The following PIK3CA variants were observed in gnomAD, a reference collection of about 807,000 sequenced individuals.
The protein encoded by PIK3CA is phosphatidylinositol 4,5-bisphosphate 3-kinase catalytic subunit alpha isoform.
A neutral mutation model predicts 138.2 loss-of-function variants in PIK3CA; 27 were observed. The ratio of observed to expected loss-of-function variants is 0.20; its 90% CI spans 0.14 to 0.27. The LOEUF is 0.27. Among genes scored for constraint, PIK3CA ranks in the 10% least tolerant of loss-of-function variants. The pLI, the probability that PIK3CA is intolerant of heterozygous loss-of-function variation, is 1.00. For synonymous variants in PIK3CA, 358 were observed against 413.2 expected (o/e 0.87, Z 1.62); for missense variants, 544 against 1,277.4 (o/e 0.43, Z 8.75).
In PIK3CA at chr3:179,230,183, C is replaced by T. The variant is rs201617603; in HGVS notation, c.2785-42C>T. 1 of 1,559,420 alleles carries T rather than the reference C, an allele frequency of 6.4e-7. No individual in the cohort carries two copies. The highest frequency in any genetic ancestry group is 1.7e-5 in the Admixed American group (1 of 59,042). ...TTAATTTATTCAAGACATTTTGTATCTGCATATATCAAACTATAACATAAT... is the reference window on the plus strand; with the variant it reads ...TTAATTTATTCAAGACATTTTGTATTTGCATATATCAAACTATAACATAAT... On this transcript the variant is annotated intron_variant, in intron 19 of 20. Coordinates refer to ENST00000263967, the MANE Select transcript of PIK3CA (RefSeq NM_006218.4). This position sits in a 1 kb window ranked among gnomAD's most constrained non-coding sequence, Gnocchi z 5.4.
chr3:179,225,375 A>C (rs763707442), intron 16 of PIK3CA, among the ~76,000 whole-genome samples: 3 of 152,182 alleles, frequency 2.0e-5, no homozygotes, highest in Non-Finnish European at 4.4e-5. Context: ...GAAGGTACTT[A>C]TATGGAGGAA....
chr3:179,189,391 T>TA (rs1452518254), intron 1 of PIK3CA, among the ~76,000 whole-genome samples: 1 of 152,156 alleles, frequency 6.6e-6, no homozygotes, highest in East Asian at 1.9e-4. Flanking sequence ...CTTTATAAAA[T>TA]ACAAAATTTA....
chr3:179,173,899 T>A (rs1723628814), intron 1 of PIK3CA, among the ~76,000 whole-genome samples: 2 of 151,746 alleles, frequency 1.3e-5, no homozygotes, highest in Non-Finnish European at 2.9e-5. Flanking sequence ...GCTAATTTTT[T>A]GTATTTTTAG....
At chr3:179,193,249 G>C (rs1367713712) in intron 1 of PIK3CA, among the ~76,000 whole-genome samples, 1 of 152,220 alleles carries the variant, frequency 6.6e-6, no homozygotes, top group Non-Finnish European at 1.5e-5. Flanking sequence ...AAAAATCTCT[G>C]ATGATCGAGG....
At chr3:179,209,494 T>G (rs957612273) in intron 6 of PIK3CA, 101 bp from the exon 7 acceptor site, 10 of 617,932 alleles carry the variant, frequency 1.6e-5, no homozygotes, top group Non-Finnish European at 2.5e-5. Flanking sequence ...TTCCTGTTTT[T>G]CGTTTGGTTG....
chr3:179,159,055 C>G (rs982974193), intron 1 of PIK3CA, among the ~76,000 whole-genome samples: 1 of 151,990 alleles, frequency 6.6e-6, no homozygotes, highest in Non-Finnish European at 1.5e-5. Flanking sequence ...AATCTACACA[C>G]TTTAAAAAAC....
At position 179,237,622 on chromosome 3, in the gene PIK3CA, C is replaced by CT. The variant is rs1725356852; in HGVS notation, c.*3264dup. ...AGGTAAAACACAGTCCATCTGTATT[C>CT]TTTTTTCCATCAAAAATCGAGTGAT... On this transcript the variant is annotated 3_prime_UTR_variant, in exon 21 of 21. Coordinates refer to ENST00000263967, the MANE Select transcript of PIK3CA (RefSeq NM_006218.4). The CT allele has an allele frequency of 4.8e-6, 1 of 208,226 alleles. No homozygotes were observed. The highest frequency in any genetic ancestry group is 2.3e-5 in the African/African-American group (1 of 43,984). The allele number at this position is 208,226 out of a possible 1,614,324, so 12.9% of individuals were successfully genotyped here.
chr3:179,199,912 C>T lies in PIK3CA; in HGVS notation c.562+13C>T, dbSNP rs2108388010. 2 of 1,366,970 alleles carry T rather than the reference C, an allele frequency of 1.5e-6. No homozygotes were observed. The highest frequency in any genetic ancestry group is 2.1e-6 in the Non-Finnish European group (2 of 956,498). The allele number at this position is 1,366,970 out of a possible 1,614,324, so 84.7% of individuals were successfully genotyped here. ...AAATTAGATAAAGGTAAGAAAATGACTAATCTACTCTAATCATTACTATAG... is the reference window on the plus strand; with the variant it reads ...AAATTAGATAAAGGTAAGAAAATGATTAATCTACTCTAATCATTACTATAG... On this transcript the variant is annotated intron_variant, in intron 3 of 20. Coordinates refer to ENST00000263967, the MANE Select transcript of PIK3CA (RefSeq NM_006218.4).
In PIK3CA at chr3:179,230,468, A is replaced by C; in HGVS notation, c.2936+92A>C. The C allele has an allele frequency of 1.8e-6, 2 of 1,138,824 alleles. No homozygotes were observed. Among genetic ancestry groups the C allele is most frequent in the Non-Finnish European group, 2.5e-6 (2 of 803,084 alleles). 70.5% of individuals were successfully genotyped at this position (1,138,824 alleles called of 1,614,324 possible). ...TTTTCAAGCAATTTCAAAATAATAA[A>C]TGTTGGCTGGGTGTGGTGGTTCATG... On this transcript the variant is annotated intron_variant, in intron 20 of 20. Transcript: ENST00000263967. The surrounding 1 kb of genome is among the most constrained non-coding windows in gnomAD (Gnocchi z 5.4).
At chr3:179,160,823 A>C (rs1723259260) in intron 1 of PIK3CA, among the ~76,000 whole-genome samples, 1 of 152,200 alleles carries the variant, frequency 6.6e-6, no homozygotes, top group South Asian at 2.1e-4. Context: ...GATTCTGTAC[A>C]ATCATAGACT....
chr3:179,148,971 CGCGGGTGGAGGGGCTGCCGCGAGGACT>C (rs1181667929), intron 1 of PIK3CA, among the ~76,000 whole-genome samples: 1 of 152,174 alleles, frequency 6.6e-6, no homozygotes, highest in Non-Finnish European at 1.5e-5. Flanking sequence ...CCACCCAGCC[CGCGGGTGGAGGGGCTGCCGCGAGGACT>C]GCGGCTCAAG....
At chr3:179,161,284 C>A (rs998020560) in intron 1 of PIK3CA, among the ~76,000 whole-genome samples, 2 of 152,190 alleles carry the variant, frequency 1.3e-5, no homozygotes, top group African/African-American at 2.4e-5. Flanking sequence ...TGTCTCTAGG[C>A]AAAGGGGGTA....
At chr3:179,221,696 C>CTTTTTTTTTTTTT (rs200211358) in intron 14 of PIK3CA, among the ~76,000 whole-genome samples, 2 of 77,570 alleles carry the variant, frequency 2.6e-5, no homozygotes, top group Non-Finnish European at 4.8e-5. Context: ...ACAATGTAAA[C>CTTTTTTTTTTTTT]TTTTTTTTTT....
rs1482313267 is a variant in PIK3CA, at chr3:179,201,415, C to G, written c.688C>G (p.Arg230Gly). 6.2e-7 allele frequency: 1 copy of G among 1,613,712 alleles called. No individual in the cohort carries two copies. The highest frequency in any genetic ancestry group is 1.7e-5 in the Admixed American group (1 of 59,992). The part of the protein sequence containing the change: ...VIAEAIRKKT[R>G]SMLLSSEQLK... ...TGCTGAAGCAATCAGGAAAAAAACTCGAAGTATGTTGCTATCCTCTGAACA... is the reference window on the plus strand; with the variant it reads ...TGCTGAAGCAATCAGGAAAAAAACTGGAAGTATGTTGCTATCCTCTGAACA... The change falls in exon 4 of 21, where the codon CGA (arginine) becomes GGA (glycine). Residue 230 changes from arginine to glycine, a missense_variant. Physicochemically the swap from Arg to Gly is moderately radical, Grantham distance 125 (BLOSUM62 -2). Around this residue, in one of 14 missense-constraint regions of PIK3CA, gnomAD observed 234 missense variants for 401.3 expected, o/e 0.58. Transcript: ENST00000263967.
intron 1 of PIK3CA, among the ~76,000 whole-genome samples, chr3:179,158,657 C>G (rs1043988925): frequency 6.6e-6 from 1 of 151,936 alleles, no homozygotes; most frequent in Non-Finnish European, 1.5e-5. Flanking sequence ...ATATTAAACT[C>G]TTTTGCATAT....
chr3:179,158,642 A>G (rs1425537705), intron 1 of PIK3CA, among the ~76,000 whole-genome samples: 1 of 152,126 alleles, frequency 6.6e-6, no homozygotes, highest in East Asian at 1.9e-4. Context: ...TCTTTATTGA[A>G]TATAATATTA....
chr3:179,160,319 C>T (rs1258711128), intron 1 of PIK3CA, among the ~76,000 whole-genome samples: 2 of 143,442 alleles, frequency 1.4e-5, no homozygotes, highest in African/African-American at 5.6e-5. Flanking sequence ...TGAGCTTTTG[C>T]TTCAAAGTAG....
chr3:179,148,164 C>T (rs1162278884), upstream of PIK3CA: 3 of 129,150 alleles, frequency 2.3e-5, no homozygotes, highest in Admixed American at 7.4e-5. Flanking sequence ...CCTCTTCTGC[C>T]GGAGGAGGGG....
At chr3:179,217,284 A>G (rs1724858447) in intron 9 of PIK3CA, among the ~76,000 whole-genome samples, 1 of 152,072 alleles carries the variant, frequency 6.6e-6, no homozygotes, top group South Asian at 2.1e-4. Context: ...CATTATATCA[A>G]TTTTCCAATA....
Sources: allele counts gnomAD v4.1 joint callset (sites outside exome capture counted in the v4.1 genomes callset), GRCh38; gene constraint gnomAD v4.1.1; regional missense constraint gnomAD v4.1.1; non-coding constraint Gnocchi (gnomAD v3.1); transcripts MANE v1.5; gene names NCBI Gene and HGNC (gene_info 2026-07-23, HGNC 2026-07-21).